Variants in KLF10 observed in about 807,000 individuals in gnomAD.
KLF10 encodes the protein Krueppel-like factor 10.
In KLF10, 17 loss-of-function variants were observed where a neutral mutation model predicts 31.6. The observed-to-expected ratio is 0.54, with a 90% CI of 0.37 to 0.81. KLF10 has a LOEUF of 0.81. Among genes scored for constraint, KLF10 ranks in the 30% least tolerant of loss-of-function variants. The probability of loss-of-function intolerance (pLI) is 0.00; values close to 1 mark genes in which losing one functional copy is unlikely to be tolerated. For synonymous variants in KLF10, 239 were observed against 215.1 expected (o/e 1.11, Z -0.97); for missense variants, 525 against 598.1 (o/e 0.88, Z 1.27).
chr8:102,654,975 C>T (rs1406601179), intron 1 of KLF10, among the ~76,000 whole-genome samples: 2 of 152,242 alleles, frequency 1.3e-5, no homozygotes, highest in Non-Finnish European at 2.9e-5. Flanking sequence ...ACGACAGGCG[C>T]CCCTTCCCCC....
In KLF10 at chr8:102,651,930, G is replaced by C; in HGVS notation, c.402C>G (p.Phe134Leu). ...DTAKPHIAAPFKEEEKSPVSA... is the reference protein window; with the variant it reads ...DTAKPHIAAPLKEEEKSPVSA... ...ATACTGGGCTCTTTTCTTCCTCTTT[G>C]AAAGGTGCGGCAATGTGAGGTTTGG... is the stretch of plus-strand genomic sequence containing the variant. The change falls in exon 3 of 4, where the codon TTC becomes TTG. Residue 134 changes from phenylalanine (F) to leucine (L), a missense_variant. By Grantham distance (22) the Phe-to-Leu change is conservative. Around this residue, in one of 3 missense-constraint regions of KLF10, gnomAD observed 434 missense variants for 450.7 expected, o/e 0.96. Coordinates refer to ENST00000285407, the MANE Select transcript of KLF10 (RefSeq NM_005655.4). 1 of 1,614,040 alleles carries C rather than the reference G, an allele frequency of 6.2e-7. No homozygotes were observed. The highest frequency in any genetic ancestry group is 8.5e-7 in the Non-Finnish European group (1 of 1,180,036).
At position 102,650,044 on chromosome 8, in the gene KLF10, G is replaced by C; in HGVS notation, c.*88C>G. On this transcript the variant is annotated 3_prime_UTR_variant, in exon 4 of 4. Transcript: ENST00000285407. ...TTCTGCTTTAAGCCCACGTTGTGGG[G>C]CCACAGACTTGCAGTGGAAGCATTT... 1 of 1,494,702 alleles carries C rather than the reference G, an allele frequency of 6.7e-7. No individual in the cohort carries two copies. Among genetic ancestry groups the C allele is most frequent in the Non-Finnish European group, 9.0e-7 (1 of 1,105,848 alleles). The allele number at this position is 1,494,702 out of a possible 1,614,324, so 92.6% of individuals were successfully genotyped here.
chr8:102,651,231 C>T lies in KLF10; in HGVS notation c.1101G>A (p.Arg367=), dbSNP rs1827200201. 1.9e-6 allele frequency: 3 copies of T among 1,584,810 alleles called. No individual in the cohort carries two copies. Among genetic ancestry groups the T allele is most frequent in the Non-Finnish European group, 2.6e-6 (3 of 1,166,344 alleles). ...ATCCTGGGTGGCTACAGATGTGACTCCTTATCCTTGATGAATCAATCTGAG... is the reference window on the plus strand; with the variant it reads ...ATCCTGGGTGGCTACAGATGTGACTTCTTATCCTTGATGAATCAATCTGAG... The part of the protein sequence containing the change: ...VTPQIDSSRI[R]SHICSHPGCG... Residue 367 remains arginine (R), a synonymous_variant, in exon 3 of 4, where the codon AGG becomes AGA. Coordinates refer to ENST00000285407, the MANE Select transcript of KLF10 (RefSeq NM_005655.4).
chr8:102,650,478 A>G (rs1827180027), intron 3 of KLF10, 87 bp from the exon 4 acceptor site: 1 of 1,309,106 alleles, frequency 7.6e-7, no homozygotes, highest in Admixed American at 2.4e-5. Flanking sequence ...ATGAGAAGAT[A>G]CATTTTAAAT....
At chr8:102,654,544 G>T (rs1827312466) in intron 1 of KLF10, among the ~76,000 whole-genome samples, 1 of 151,136 alleles carries the variant, frequency 6.6e-6, no homozygotes, top group Admixed American at 6.6e-5. Flanking sequence ...CCCTCCTCCC[G>T]CCGGCAGCCC....
rs115948454 is a variant in KLF10 at position 102,648,870 on chromosome 8, T to A, written c.*1262A>T. ...AATTGTAAGTCACAAGGATTTTTTT[T>A]AATTAAAACTTTTGTTTTCCAAGGG... is the stretch of plus-strand genomic sequence containing the variant. On this transcript the variant is annotated 3_prime_UTR_variant, in exon 4 of 4. Transcript: ENST00000285407. 458 of 152,792 alleles carry A rather than the reference T, an allele frequency of 3.0e-3. 5 individuals carry two copies. Among genetic ancestry groups the A allele is most frequent in the Middle Eastern group, 0.01 (3 of 294 alleles). The allele number at this position is 152,792 out of a possible 1,614,324, so 9.5% of individuals were successfully genotyped here. A position where few individuals can be genotyped will look rare whatever the true frequency, so the allele number is the denominator to read the frequency against.
intron 1 of KLF10, chr8:102,654,135 C>A: frequency 5.6e-6 from 1 of 179,648 alleles, no homozygotes; most frequent in Non-Finnish European, 1.1e-5. Context: ...GCGTGATCAG[C>A]GGCTGCTCCG....
chr8:102,651,391 T>C lies in KLF10; in HGVS notation c.941A>G (p.Lys314Arg), dbSNP rs148650585. The C allele has an allele frequency of 1.5e-4, 247 of 1,608,304 alleles. No homozygotes were observed. Among genetic ancestry groups the C allele is most frequent in the Non-Finnish European group, 1.9e-4 (225 of 1,176,660 alleles). The change falls in exon 3 of 4, where the codon AAA becomes AGA. Residue 314 changes from lysine (K) to arginine (R), a missense_variant. Physicochemically the swap from Lys to Arg is conservative, Grantham distance 26 (BLOSUM62 2). Coordinates refer to ENST00000285407, the MANE Select transcript of KLF10 (RefSeq NM_005655.4). ...PVVFMGTQVPKGAVMFVVPQP... is the reference protein window; with the variant it reads ...PVVFMGTQVPRGAVMFVVPQP... ...GGGTACCACAAACATGACAGCGCCT[T>C]TGGGGACTTGTGTGCCCATGAACAC...
chr8:102,653,530 T>C, intron 1 of KLF10: 1 of 1,501,680 alleles, frequency 6.7e-7, no homozygotes, highest in African/African-American at 1.4e-5. Flanking sequence ...AAGTAGAGAT[T>C]GTGTAAAAAT....
intron 3 of KLF10, 33 bp downstream of exon 3, chr8:102,651,116 T>G: frequency 1.4e-6 from 2 of 1,481,250 alleles, no homozygotes; most frequent in African/African-American, 2.8e-5. Context: ...ATCTCTTCAT[T>G]TAAACACTAA....
Position 102,652,226 on chromosome 8 carries a change from CAG to C in KLF10, c.206_207del (p.Ser69Ter). ...AGCAGATTCTCTTCCTCTGACAAAT[CAG>C]ATACTGGTGTAACAGGTCTGTTTTC... ...YVENRPVTPVSDLSEEENLLP... is the reference protein window; with the variant it reads ...YVENRPVTPVXDLSEEENLLP... On this transcript the variant is annotated frameshift_variant, in exon 2 of 4. Transcript: ENST00000285407. LOFTEE classifies it high-confidence loss of function. 2 of 1,611,768 alleles carry C rather than the reference CAG, an allele frequency of 1.2e-6. No individual in the cohort carries two copies.
chr8:102,654,962 C>A (rs920706054), intron 1 of KLF10, among the ~76,000 whole-genome samples: 2 of 152,050 alleles, frequency 1.3e-5, no homozygotes, highest in African/African-American at 4.8e-5. Context: ...TCCCCCCGCT[C>A]CGACGACAGG....
At position 102,648,958 on chromosome 8, in the gene KLF10, T is replaced by C. The variant is rs1003902695; in HGVS notation, c.*1174A>G. On this transcript the variant is annotated 3_prime_UTR_variant, in exon 4 of 4. Coordinates refer to ENST00000285407, the MANE Select transcript of KLF10 (RefSeq NM_005655.4). ...AAAAACAATGTTAAATGGGAAGATA[T>C]AGTGACATTTTTCACTATATATTTT... 5 of 152,754 alleles carry C rather than the reference T, an allele frequency of 3.3e-5. No individual in the cohort carries two copies. Among genetic ancestry groups the C allele is most frequent in the Non-Finnish European group, 7.4e-5 (5 of 68,012 alleles). 9.5% of individuals were successfully genotyped at this position (152,754 alleles called of 1,614,324 possible).
At position 102,651,651 on chromosome 8, in the gene KLF10, T is replaced by C; in HGVS notation, c.681A>G (p.Ala227=). 1 of 1,614,240 alleles carries C rather than the reference T, an allele frequency of 6.2e-7. No individual in the cohort carries two copies. The highest frequency in any genetic ancestry group is 2.2e-5 in the East Asian group (1 of 44,886). ...VADVDEKASA[A]LYDFSVPSSE... is the part of the protein sequence containing the mutation. ...AGGAAGGCACAGAAAAGTCATAAAG[T>C]GCAGCACTTGCTTTCTCATCAACAT... Residue 227 remains alanine, a synonymous_variant, in exon 3 of 4, where the codon GCA becomes GCG. Coordinates refer to ENST00000285407, the MANE Select transcript of KLF10 (RefSeq NM_005655.4).
chr8:102,651,754 A>C lies in KLF10; in HGVS notation c.578T>G (p.Val193Gly). Reference sequence around the variant, plus strand: ...TGGTATGTTCTTTCTTGCAGCCTCAACATTTAGGTGGGTTCTTCTTCTAAA... The same window carrying C: ...TGGTATGTTCTTTCTTGCAGCCTCACCATTTAGGTGGGTTCTTCTTCTAAA... ...NSFRRRTHLN[V>G]EAARKNIPCA... Residue 193 changes from valine (V) to glycine (G), a missense_variant, in exon 3 of 4, where the codon GTT becomes GGT. By Grantham distance (109) the Val-to-Gly change is moderately radical. Around this residue, in one of 3 missense-constraint regions of KLF10, gnomAD observed 434 missense variants for 450.7 expected, o/e 0.96. Coordinates refer to ENST00000285407, the MANE Select transcript of KLF10 (RefSeq NM_005655.4). 1 of 1,614,244 alleles carries C rather than the reference A, an allele frequency of 6.2e-7. No homozygotes were observed. Among genetic ancestry groups the C allele is most frequent in the Non-Finnish European group, 8.5e-7 (1 of 1,180,044 alleles).
chr8:102,655,192 C>T (rs886772004), intron 1 of KLF10, among the ~76,000 whole-genome samples: 6 of 152,068 alleles, frequency 3.9e-5, no homozygotes, highest in Admixed American at 6.5e-5. Flanking sequence ...CCTCCCGCGA[C>T]TCTCGTTCCA....
intron 1 of KLF10, chr8:102,653,654 C>G (rs1415631922): frequency 7.6e-7 from 1 of 1,316,996 alleles, no homozygotes; most frequent in Non-Finnish European, 9.7e-7. Context: ...CTTGAAATAT[C>G]GCTAACAATA....
At position 102,655,001 on chromosome 8, in the gene KLF10, G is replaced by A. The variant is rs181319293; in HGVS notation, c.36+565C>T. ...CCCTTCCCCCAGCCCCGAGCTATCT[G>A]CTGAGCAGCCCCCGTCTTCCAAGCG... On this transcript the variant is annotated intron_variant, in intron 1 of 3. Transcript: ENST00000285407. 6.6e-3 allele frequency among the ~76,000 whole-genome samples: 997 copies of A among 151,766 alleles called. 5 individuals carry two copies. The highest frequency in any genetic ancestry group is 0.011 in the Non-Finnish European group (775 of 67,846).
intron 2 of KLF10, 21 bp from the exon 3 acceptor site, chr8:102,652,082 T>A (rs751764940): frequency 6.4e-7 from 1 of 1,550,520 alleles, no homozygotes; most frequent in Non-Finnish European, 8.7e-7. Flanking sequence ...GGGAAATACA[T>A]AGCATGAGAA....
Sources: allele counts gnomAD v4.1 joint callset (sites outside exome capture counted in the v4.1 genomes callset), GRCh38; gene constraint gnomAD v4.1.1; regional missense constraint gnomAD v4.1.1; transcripts MANE v1.5; gene names NCBI Gene and HGNC (gene_info 2026-07-23, HGNC 2026-07-21).